The following DCDC1 variants were observed in gnomAD, a reference collection of about 807,000 sequenced individuals.
DCDC1 encodes doublecortin domain-containing protein 1.
In DCDC1, 200 loss-of-function variants were observed where a neutral mutation model predicts 178.3. That is an observed-to-expected ratio of 1.12 (90% CI 1.00 to 1.26). DCDC1 has a LOEUF of 1.26. Ranked by LOEUF, DCDC1 falls within the 50% of genes most tolerant of loss-of-function variation. The pLI is 0.00. For missense variants in DCDC1, 1,983 were observed against 1,749.2 expected, an observed-to-expected ratio of 1.13 and a Z score of -2.38; for synonymous variants, 690 against 604.8, an observed-to-expected ratio of 1.14 and a Z score of -2.07.
At chr11:31,249,595 G>A (rs959431143) in intron 8 of DCDC1, among the ~76,000 whole-genome samples, 1 of 152,178 alleles carries the variant, frequency 6.6e-6, no homozygotes, top group African/African-American at 2.4e-5. Context: ...TCCAAGGAAT[G>A]AAGACTTCCT....
chr11:30,937,167 T>C (rs1947328201), intron 21 of DCDC1, among the ~76,000 whole-genome samples: 1 of 152,192 alleles, frequency 6.6e-6, no homozygotes, highest in African/African-American at 2.4e-5. Flanking sequence ...CCTCAATTTG[T>C]TGTGGTTCCA....
intron 7 of DCDC1, chr11:31,281,005 G>A (rs890491462): frequency 3.0e-5 from 17 of 574,626 alleles, no homozygotes; most frequent in Admixed American, 1.8e-4. Flanking sequence ...TCCCTTTTTC[G>A]TCACAACGAA....
At chr11:31,250,254 C>A (rs1591538944) in intron 8 of DCDC1, among the ~76,000 whole-genome samples, 1 of 149,714 alleles carries the variant, frequency 6.7e-6, no homozygotes, top group Non-Finnish European at 1.5e-5. Flanking sequence ...TTAAATGATT[C>A]TATTTAAAAG....
intron 21 of DCDC1, among the ~76,000 whole-genome samples, chr11:30,950,225 C>T (rs187164095): frequency 1.3e-5 from 2 of 152,074 alleles, no homozygotes; most frequent in Non-Finnish European, 2.9e-5. Context: ...CCTTTTCTCC[C>T]ACCAACCCTA....
At chr11:31,250,994 C>T (rs1943992624) in intron 8 of DCDC1, among the ~76,000 whole-genome samples, 3 of 152,040 alleles carry the variant, frequency 2.0e-5, no homozygotes, top group African/African-American at 7.2e-5. Flanking sequence ...ACCTTGTGAT[C>T]CATCCACCTC....
At chr11:31,107,365 A>G (rs149941961) in intron 12 of DCDC1, among the ~76,000 whole-genome samples, 27 of 152,258 alleles carry the variant, frequency 1.8e-4, no homozygotes, top group Non-Finnish European at 3.5e-4. Flanking sequence ...ACAATCACCA[A>G]TCTCCCTGTC....
At chr11:31,066,539 T>C (rs1165671203) in intron 18 of DCDC1, among the ~76,000 whole-genome samples, 1 of 152,174 alleles carries the variant, frequency 6.6e-6, no homozygotes, top group African/African-American at 2.4e-5. Flanking sequence ...GGTACTTACA[T>C]TGTTCTGGAA....
Position 30,925,422 on chromosome 11 carries a change from C to A in DCDC1, c.2898-14G>T, listed in dbSNP as rs572016349. On this transcript the variant is annotated splice_polypyrimidine_tract_variant and intron_variant, in intron 22 of 38. Coordinates refer to ENST00000684477, the MANE Select transcript of DCDC1 (RefSeq NM_001387274.1). ...ATCTCAGTGCACCTGTAATAAAAGA[C>A]ACAAAAATTGACCTTGCATACAGAA... 1.2e-5 allele frequency: 19 copies of A among 1,610,872 alleles called. No individual in the cohort carries two copies. In the Middle Eastern group the frequency reaches 4.9e-4, roughly 42 times the overall value.
At chr11:31,214,515 G>T (rs890865351) in intron 9 of DCDC1, among the ~76,000 whole-genome samples, 1 of 152,062 alleles carries the variant, frequency 6.6e-6, no homozygotes, top group East Asian at 1.9e-4. Context: ...TCCTCAGTGT[G>T]GTAGGGAGGG....
chr11:31,188,614 T>C (rs2616793), intron 9 of DCDC1, among the ~76,000 whole-genome samples: 13,935 of 152,162 alleles, frequency 0.092, 1,757 homozygotes, highest in African/African-American at 0.28. Context: ...CACTCTGACA[T>C]TGGGTGCCAT....
At chr11:31,233,930 A>G (rs1976137087) in intron 9 of DCDC1, among the ~76,000 whole-genome samples, 1 of 152,182 alleles carries the variant, frequency 6.6e-6, no homozygotes, top group African/African-American at 2.4e-5. Flanking sequence ...TGAGGAACCC[A>G]ATTTTCAATT....
chr11:31,185,552 C>T (rs1196864846), intron 9 of DCDC1, among the ~76,000 whole-genome samples: 1 of 152,128 alleles, frequency 6.6e-6, no homozygotes, highest in Non-Finnish European at 1.5e-5. Context: ...ACTTTAGCTT[C>T]CAAAACTCTG....
intron 18 of DCDC1, among the ~76,000 whole-genome samples, chr11:31,066,823 G>A (rs998356740): frequency 6.6e-6 from 1 of 152,136 alleles, no homozygotes; most frequent in Non-Finnish European, 1.5e-5. Context: ...CCCATAGAAT[G>A]TGCACCACCA....
At chr11:31,111,919 G>A (rs1299498506) in intron 11 of DCDC1, among the ~76,000 whole-genome samples, 5 of 152,242 alleles carry the variant, frequency 3.3e-5, no homozygotes, top group African/African-American at 7.2e-5. Flanking sequence ...AAGCAGAGAC[G>A]TCTTGGTCAA....
chr11:31,279,697 G>A (rs1946278578), intron 7 of DCDC1, among the ~76,000 whole-genome samples: 2 of 152,076 alleles, frequency 1.3e-5, no homozygotes, highest in African/African-American at 4.8e-5. Flanking sequence ...GGGAACACAT[G>A]GACACAGGGA....
At chr11:30,997,299 A>C (rs1951323269) in intron 20 of DCDC1, among the ~76,000 whole-genome samples, 1 of 152,238 alleles carries the variant, frequency 6.6e-6, no homozygotes, top group African/African-American at 2.4e-5. Context: ...AACTCATAGA[A>C]CTGTATGCTG....
intron 9 of DCDC1, among the ~76,000 whole-genome samples, chr11:31,148,721 C>T (rs959512126): frequency 1.4e-4 from 21 of 151,480 alleles, no homozygotes; most frequent in African/African-American, 4.8e-4. Context: ...AAAAAGTTCA[C>T]GGTCTCTTTG....
At chr11:30,867,951 T>A (rs541247348) in intron 38 of DCDC1, among the ~76,000 whole-genome samples, 1 of 152,310 alleles carries the variant, frequency 6.6e-6, no homozygotes, top group African/African-American at 2.4e-5. Flanking sequence ...CCAGTCAGCA[T>A]CAAGTTGGAT....
chr11:31,065,768 A>C (rs1413882009), intron 18 of DCDC1, among the ~76,000 whole-genome samples: 1 of 152,236 alleles, frequency 6.6e-6, no homozygotes, highest in Non-Finnish European at 1.5e-5. Context: ...CACGAAAATC[A>C]TGAGGTCTTT....
Sources: allele counts gnomAD v4.1 joint callset (sites outside exome capture counted in the v4.1 genomes callset), GRCh38; gene constraint gnomAD v4.1.1; transcripts MANE v1.5; gene names NCBI Gene and HGNC (gene_info 2026-07-23, HGNC 2026-07-21).